MECOM: variants seen among roughly 807,000 people sequenced by gnomAD.
The protein encoded by MECOM is histone-lysine N-methyltransferase MECOM.
MECOM carries 13 observed loss-of-function variants against 116.3 expected under a neutral mutation model. That is an observed-to-expected ratio of 0.11 (90% CI 0.07 to 0.18). MECOM has a LOEUF of 0.18. Among genes scored for constraint, MECOM ranks in the 10% least tolerant of loss-of-function variants. The pLI, the probability that MECOM is intolerant of heterozygous loss-of-function variation, is 1.00. For missense variants in MECOM, 1,299 were observed against 1,509.0 expected (o/e 0.86, Z 2.31); for synonymous variants, 528 against 535.2 (o/e 0.99, Z 0.19).
intron 2 of MECOM, among the ~76,000 whole-genome samples, chr3:169,190,634 C>T (rs992092708): frequency 6.6e-5 from 10 of 151,978 alleles, no homozygotes; most frequent in Non-Finnish European, 5.9e-5. Flanking sequence ...TGTCCAAAGT[C>T]ACACATTTAT....
At chr3:169,454,618 C>T (rs1380882281) in intron 1 of MECOM, among the ~76,000 whole-genome samples, 25 of 151,998 alleles carry the variant, frequency 1.6e-4, no homozygotes, top group Admixed American at 1.6e-3. Context: ...AGTTCATGAT[C>T]TTTATTTTGG....
chr3:169,601,334 T>C (rs987650519), intron 1 of MECOM, among the ~76,000 whole-genome samples: 6 of 152,240 alleles, frequency 3.9e-5, no homozygotes, highest in African/African-American at 1.4e-4. Flanking sequence ...CTGGAGGTTC[T>C]GCCGAATATG....
At chr3:169,237,314 T>C (rs1754186350) in intron 2 of MECOM, among the ~76,000 whole-genome samples, 1 of 152,120 alleles carries the variant, frequency 6.6e-6, no homozygotes, top group African/African-American at 2.4e-5. Flanking sequence ...AATACTGAAA[T>C]GTAAAATCTT....
chr3:169,490,704 G>A (rs1752976875), intron 1 of MECOM, among the ~76,000 whole-genome samples: 2 of 152,154 alleles, frequency 1.3e-5, no homozygotes, highest in East Asian at 3.9e-4. Context: ...AATGAACATC[G>A]AAATACTTTA....
At chr3:169,320,585 A>G (rs1329995726) in intron 2 of MECOM, among the ~76,000 whole-genome samples, 1 of 152,194 alleles carries the variant, frequency 6.6e-6, no homozygotes, top group Non-Finnish European at 1.5e-5. Context: ...ATCATGGTAT[A>G]AGAGGAAAGA....
At chr3:169,259,563 A>T (rs1050166402) in intron 2 of MECOM, among the ~76,000 whole-genome samples, 3 of 152,174 alleles carry the variant, frequency 2.0e-5, no homozygotes, top group African/African-American at 7.2e-5. Context: ...TCTCTAAAAA[A>T]ATAATTAAAA....
intron 2 of MECOM, among the ~76,000 whole-genome samples, chr3:169,159,989 A>T (rs1742604266): frequency 6.6e-6 from 1 of 152,220 alleles, no homozygotes; most frequent in Non-Finnish European, 1.5e-5. Flanking sequence ...TTTTAAATGG[A>T]GTTCTAACTC....
At chr3:169,369,942 G>A (rs1729813427) in intron 2 of MECOM, among the ~76,000 whole-genome samples, 1 of 151,726 alleles carries the variant, frequency 6.6e-6, no homozygotes, top group African/African-American at 2.4e-5. Context: ...TGGATAGCTG[G>A]TAGTCTTCCT....
At chr3:169,409,862 T>C (rs1319922340) in intron 1 of MECOM, among the ~76,000 whole-genome samples, 1 of 152,198 alleles carries the variant, frequency 6.6e-6, no homozygotes, top group Non-Finnish European at 1.5e-5. Flanking sequence ...ACTGAGAGGA[T>C]AGTAACCTAA....
At chr3:169,521,079 G>T (rs1028040302) in intron 1 of MECOM, among the ~76,000 whole-genome samples, 3 of 152,322 alleles carry the variant, frequency 2.0e-5, no homozygotes, top group African/African-American at 7.2e-5. Flanking sequence ...AGGCAATGGG[G>T]TCAACTCGGA....
intron 2 of MECOM, among the ~76,000 whole-genome samples, chr3:169,260,704 G>A (rs892184884): frequency 3.9e-5 from 6 of 152,066 alleles, no homozygotes; most frequent in Admixed American, 1.3e-4. Context: ...TGCACTTGTC[G>A]AGAATGATAA....
chr3:169,249,523 C>T (rs1247934326), intron 2 of MECOM, among the ~76,000 whole-genome samples: 2 of 152,174 alleles, frequency 1.3e-5, no homozygotes, highest in Non-Finnish European at 2.9e-5. Context: ...CTGCAAAAGT[C>T]TTGCTGAGAG....
intron 1 of MECOM, among the ~76,000 whole-genome samples, chr3:169,382,874 T>G (rs9859261): frequency 3.8e-5 from 2 of 52,746 alleles, no homozygotes; most frequent in East Asian, 1.2e-3. Context: ...ATAAAAAAAA[T>G]AAAAAAAGAA....
intron 1 of MECOM, among the ~76,000 whole-genome samples, chr3:169,481,021 G>A (rs73174313): frequency 0.056 from 8,553 of 152,068 alleles, 446 homozygotes; most frequent in African/African-American, 0.14. Context: ...AAAAGAGAGT[G>A]TACATTTCTG....
chr3:169,518,503 T>A (rs1458960297), intron 1 of MECOM, among the ~76,000 whole-genome samples: 1 of 152,186 alleles, frequency 6.6e-6, no homozygotes, highest in Non-Finnish European at 1.5e-5. Context: ...TTAAGAATCA[T>A]GGTAGCCAAT....
intron 2 of MECOM, among the ~76,000 whole-genome samples, chr3:169,375,962 A>T (rs1302118960): frequency 6.6e-6 from 1 of 152,206 alleles, no homozygotes; most frequent in Admixed American, 6.5e-5. Flanking sequence ...CCAGCAGCAC[A>T]TCAGAAAGCT....
chr3:169,620,064 G>T (rs911636382), intron 1 of MECOM, among the ~76,000 whole-genome samples: 3 of 152,170 alleles, frequency 2.0e-5, no homozygotes, highest in African/African-American at 7.2e-5. Context: ...ATAGCCATCC[G>T]AGCCGAAGCA....
intron 2 of MECOM, among the ~76,000 whole-genome samples, chr3:169,297,674 A>G (rs1313831543): frequency 6.6e-6 from 1 of 152,174 alleles, no homozygotes; most frequent in Non-Finnish European, 1.5e-5. Context: ...TTCTATCTCA[A>G]TGTAAACGTC....
intron 1 of MECOM, among the ~76,000 whole-genome samples, chr3:169,656,810 A>T (rs1413986864): frequency 2.6e-5 from 4 of 152,016 alleles, no homozygotes; most frequent in Admixed American, 6.6e-5. Context: ...TTTCCTAACA[A>T]CTCCAGATGT....
Sources: allele counts gnomAD v4.1 joint callset (sites outside exome capture counted in the v4.1 genomes callset), GRCh38; gene constraint gnomAD v4.1.1; transcripts MANE v1.5; gene names NCBI Gene and HGNC (gene_info 2026-07-23, HGNC 2026-07-21).